COL4A1: variants seen among roughly 807,000 people sequenced by gnomAD.
COL4A1 encodes collagen type IV alpha 1 chain.
In COL4A1, 40 loss-of-function variants were observed where a neutral mutation model predicts 216.6. The observed-to-expected ratio is 0.18, with a 90% CI of 0.14 to 0.24. COL4A1 has a LOEUF of 0.24. COL4A1 is among the 10% of genes least tolerant of loss of function. The pLI, the probability that COL4A1 is intolerant of heterozygous loss-of-function variation, is 1.00. For synonymous variants in COL4A1, 839 were observed against 810.7 expected (o/e 1.03, Z -0.59); for missense variants, 1,628 against 2,196.8 (o/e 0.74, Z 5.18).
chr13:110,154,234 T>A (rs1876656772), intron 50 of COL4A1, among the ~76,000 whole-genome samples: 1 of 152,258 alleles, frequency 6.6e-6, no homozygotes, highest in South Asian at 2.1e-4. Context: ...AACTCTGATC[T>A]TACAAGTTCA....
chr13:110,290,420 A>C (rs1884039167), intron 1 of COL4A1, among the ~76,000 whole-genome samples: 1 of 152,172 alleles, frequency 6.6e-6, no homozygotes, highest in Non-Finnish European at 1.5e-5. Flanking sequence ...TTACCCTCTT[A>C]ATCAGTACAT....
intron 24 of COL4A1, among the ~76,000 whole-genome samples, chr13:110,187,952 C>T (rs1878472430): frequency 6.6e-6 from 1 of 152,164 alleles, no homozygotes; most frequent in Non-Finnish European, 1.5e-5. Flanking sequence ...AGATGAAACT[C>T]TGGGAGTGGG....
intron 2 of COL4A1, among the ~76,000 whole-genome samples, chr13:110,230,352 T>C (rs983205042): frequency 1.3e-5 from 2 of 151,924 alleles, no homozygotes; most frequent in Admixed American, 6.6e-5. Context: ...CATGCACACA[T>C]GTGAAGTAGA....
At chr13:110,169,929 G>GAGGGAGGGAGGACGGGAGGA (rs150774157) in intron 42 of COL4A1, among the ~76,000 whole-genome samples, 167 bp from the exon 43 acceptor site, 1 of 140,630 alleles carries the variant, frequency 7.1e-6, no homozygotes, top group South Asian at 2.4e-4. Flanking sequence ...AGGAAGGAAG[G>GAGGGAGGGAGGACGGGAGGA]AGGGAGGGAG....
Position 110,198,483 on chromosome 13 carries a change from C to T in COL4A1, c.1269G>A (p.Gly423=). The T allele has an allele frequency of 6.2e-7, 1 of 1,613,300 alleles. No individual in the cohort carries two copies. Among genetic ancestry groups the T allele is most frequent in the Non-Finnish European group, 8.5e-7 (1 of 1,179,538 alleles). ...PGPPGSPGPP[G]QPGYTNGIVE... ...GGAACTCACTTGTGTAGCCAGGCTG[C>T]CCAGGGGGCCCAGGGGAACCAGGAG... The change falls in exon 21 of 52, where the codon GGG becomes GGA. Residue 423 remains glycine (G), a synonymous_variant. Coordinates refer to ENST00000375820, the MANE Select transcript of COL4A1 (RefSeq NM_001845.6).
At chr13:110,188,750 C>T (rs1566360106) in intron 24 of COL4A1, among the ~76,000 whole-genome samples, 1 of 152,176 alleles carries the variant, frequency 6.6e-6, no homozygotes, top group African/African-American at 2.4e-5. Flanking sequence ...GTCAAACAAA[C>T]AGCAAATGTG....
At chr13:110,169,602 A>G (rs1314364710) in intron 43 of COL4A1, 27 bp downstream of exon 43, 11 of 1,613,646 alleles carry the variant, frequency 6.8e-6, no homozygotes, top group Middle Eastern at 1.6e-4. Context: ...TCCTTTAAAA[A>G]TAAAAATCTA....
intron 1 of COL4A1, among the ~76,000 whole-genome samples, chr13:110,295,999 T>G (rs182547455): frequency 6.6e-6 from 1 of 152,320 alleles, no homozygotes; most frequent in African/African-American, 2.4e-5. Context: ...CTGGCTAACT[T>G]CAGCCCTGCG....
chr13:110,305,340 C>T (rs562872445), intron 1 of COL4A1, among the ~76,000 whole-genome samples: 2 of 152,282 alleles, frequency 1.3e-5, no homozygotes, highest in Admixed American at 1.3e-4. Context: ...TTTGATTTCC[C>T]GGGTGAGAAC....
chr13:110,267,924 C>T (rs531572782), intron 1 of COL4A1, among the ~76,000 whole-genome samples: 2 of 152,128 alleles, frequency 1.3e-5, no homozygotes, highest in South Asian at 4.1e-4. Context: ...GGATTTTAAA[C>T]CCCATGAAGA....
chr13:110,296,387 C>G (rs1478358808), intron 1 of COL4A1, among the ~76,000 whole-genome samples: 1 of 152,214 alleles, frequency 6.6e-6, no homozygotes, highest in Admixed American at 6.5e-5. Flanking sequence ...ATCCAAGAAG[C>G]TGATCTCTTA....
chr13:110,211,986 C>G lies in COL4A1; in HGVS notation c.388-64G>C, dbSNP rs371528313. ...GTGGCAGACACATCAGCCCTGACATCGCATGCATCACTCTGCCCTACCCTT... is the reference window on the plus strand; with the variant it reads ...GTGGCAGACACATCAGCCCTGACATGGCATGCATCACTCTGCCCTACCCTT... On this transcript the variant is annotated intron_variant, in intron 6 of 51. Transcript: ENST00000375820. This position sits in a 1 kb window ranked among gnomAD's most constrained non-coding sequence, Gnocchi z 4.3. 1 of 1,449,676 alleles carries G rather than the reference C, an allele frequency of 6.9e-7. No individual in the cohort carries two copies. Among genetic ancestry groups the G allele is most frequent in the East Asian group, 2.3e-5 (1 of 44,144 alleles). 89.8% of individuals were successfully genotyped at this position (1,449,676 alleles called of 1,614,324 possible).
rs1372207482 is a variant in COL4A1, at chr13:110,183,018, T to C, written c.2070A>G (p.Gly690=). ...EKGAVGQPGI[G]FPGPPGPKGV... is the part of the protein sequence containing the mutation. ...CTTTGGGGCCGGGGGGCCCTGGAAA[T>C]CCAATGCCTGGCTGGCCCACAGCGC... Residue 690 remains glycine (G), a synonymous_variant, in exon 28 of 52, where the codon GGA becomes GGG. Coordinates refer to ENST00000375820, the MANE Select transcript of COL4A1 (RefSeq NM_001845.6). 32 of 1,613,000 alleles carry C rather than the reference T, an allele frequency of 2.0e-5. No homozygotes were observed. Among genetic ancestry groups the C allele is most frequent in the Non-Finnish European group, 2.5e-5 (29 of 1,179,864 alleles).
intron 50 of COL4A1, among the ~76,000 whole-genome samples, chr13:110,154,128 C>A (rs1430833816): frequency 6.6e-6 from 1 of 152,196 alleles, no homozygotes; most frequent in Admixed American, 6.5e-5. Flanking sequence ...GTACAACTTG[C>A]CCATTCCTGA....
chr13:110,199,041 A>C (rs1452534528), intron 20 of COL4A1, among the ~76,000 whole-genome samples: 1 of 152,210 alleles, frequency 6.6e-6, no homozygotes, highest in South Asian at 2.1e-4. Context: ...TAGAAGAAAG[A>C]GCAGAAAATC....
intron 1 of COL4A1, among the ~76,000 whole-genome samples, chr13:110,271,994 C>T (rs1476292255): frequency 2.6e-5 from 4 of 152,160 alleles, no homozygotes; most frequent in Non-Finnish European, 5.9e-5. Flanking sequence ...TACAGGTACA[C>T]TACCCAAAGA....
At chr13:110,260,566 C>T (rs9521676) in intron 1 of COL4A1, among the ~76,000 whole-genome samples, 73,962 of 152,070 alleles carry the variant, frequency 0.49, 18,674 homozygotes, top group East Asian at 0.63. Flanking sequence ...AGGCCATCTC[C>T]GGCCCAAGCT....
At chr13:110,154,516 T>C (rs1284826558) in intron 50 of COL4A1, among the ~76,000 whole-genome samples, 2 of 152,238 alleles carry the variant, frequency 1.3e-5, no homozygotes, top group African/African-American at 4.8e-5. Flanking sequence ...TGTAGTAGAA[T>C]GTGTACTCCC....
intron 2 of COL4A1, among the ~76,000 whole-genome samples, chr13:110,220,935 A>C (rs1277460124): frequency 6.6e-6 from 1 of 152,166 alleles, no homozygotes; most frequent in African/African-American, 2.4e-5. Flanking sequence ...GGAAAATCCC[A>C]AGCCCTCACG....
Sources: allele counts gnomAD v4.1 joint callset (sites outside exome capture counted in the v4.1 genomes callset), GRCh38; gene constraint gnomAD v4.1.1; non-coding constraint Gnocchi (gnomAD v3.1); transcripts MANE v1.5; gene names NCBI Gene and HGNC (gene_info 2026-07-23, HGNC 2026-07-21).